The following CYB561D2 variants were observed in gnomAD, a reference collection of about 807,000 sequenced individuals.
CYB561D2 encodes the protein transmembrane reductase CYB561D2.
A neutral mutation model predicts 20.2 loss-of-function variants in CYB561D2; 16 were observed. That is an observed-to-expected ratio of 0.79 (90% confidence interval 0.53 to 1.20). The LOEUF is 1.20. CYB561D2 is among the 50% of genes most tolerant of loss of function. The pLI, the probability that CYB561D2 is intolerant of heterozygous loss-of-function variation, is 0.00. For synonymous variants in CYB561D2, 135 were observed against 128.3 expected (o/e 1.05, Z -0.35); for missense variants, 247 against 270.3 (o/e 0.91, Z 0.60).
At chr3:50,351,021 C>T in intron 1 of CYB561D2, 37 bp downstream of exon 1, 1 of 733,462 alleles carries the variant, frequency 1.4e-6, no homozygotes, top group Non-Finnish European at 1.9e-6. Flanking sequence ...ATGCTGGCAG[C>T]ACTTGGGGAG....
At position 50,353,504 on chromosome 3, in the gene CYB561D2, C is replaced by A; in HGVS notation, c.429C>A (p.Tyr143Ter). ...GCTCAGGTGGGGTGGGGCTGCTCTA[C>A]CCCAAGCTGCTGCCCCGATGGCCCC... Reference protein sequence around the residue: ...LQCSGGVGLLYPKLLPRWPLA... With the variant: ...LQCSGGVGLL Residue 143 changes from tyrosine to a stop codon, truncating the protein, a stop_gained, in exon 4 of 4, where the codon TAC becomes TAA. Transcript: ENST00000425346. LOFTEE classifies it high-confidence loss of function. The A allele has an allele frequency of 1.2e-6, 2 of 1,613,510 alleles. No homozygotes were observed. The highest frequency in any genetic ancestry group is 2.2e-5 in the South Asian group (2 of 91,084).
chr3:50,351,693 C>T (rs1158794652), intron 2 of CYB561D2, 133 bp downstream of exon 2: 1 of 1,323,870 alleles, frequency 7.6e-7, no homozygotes, highest in African/African-American at 1.5e-5. Flanking sequence ...TGAGGTGGAG[C>T]AGGTAGGTAT....
In CYB561D2 at chr3:50,351,993, C is replaced by T. The variant is rs1187713910; in HGVS notation, c.128-16C>T. On this transcript the variant is annotated splice_polypyrimidine_tract_variant and intron_variant, in intron 2 of 3. Transcript: ENST00000425346. The stretch of plus-strand genomic sequence containing the variant: ...TTCTTGCCTCAGCCCCATGAGGCCT[C>T]CTCTTCTCATTCCAGGCCTGTTCTC... 8.7e-6 allele frequency: 14 copies of T among 1,613,790 alleles called. No individual in the cohort carries two copies. Among genetic ancestry groups the T allele is most frequent in the African/African-American group, 1.3e-5 (1 of 74,874 alleles).
At chr3:50,351,281 G>A in intron 1 of CYB561D2, 128 bp from the exon 2 acceptor site, 2 of 1,056,596 alleles carry the variant, frequency 1.9e-6, no homozygotes, top group Non-Finnish European at 2.7e-6. Flanking sequence ...CCTGGTGCTG[G>A]TCTTGGTACT....
intron 1 of CYB561D2, 167 bp from the exon 2 acceptor site, chr3:50,351,242 C>T (rs990400344): frequency 3.4e-5 from 25 of 725,832 alleles, no homozygotes; most frequent in Non-Finnish European, 5.1e-5. Flanking sequence ...GACAGGCCGC[C>T]GGCCGTCGAC....
intron 3 of CYB561D2, among the ~76,000 whole-genome samples, chr3:50,352,707 A>G (rs979132184): frequency 4.0e-5 from 6 of 150,606 alleles, no homozygotes; most frequent in Non-Finnish European, 4.4e-5. Context: ...AAAAAAAAAA[A>G]GAGACTTGAA....
At chr3:50,351,295 CT>C in intron 1 of CYB561D2, 113 bp from the exon 2 acceptor site, 4 of 1,221,604 alleles carry the variant, frequency 3.3e-6, no homozygotes, top group Non-Finnish European at 4.5e-6. Context: ...TGGTACTGTT[CT>C]TTCCTACCAT....
intron 3 of CYB561D2, 149 bp from the exon 4 acceptor site, chr3:50,353,092 C>A: frequency 8.4e-7 from 1 of 1,194,074 alleles, no homozygotes; most frequent in Non-Finnish European, 1.2e-6. Flanking sequence ...TCCACTCTTG[C>A]CCCACCAAAT....
intron 3 of CYB561D2, among the ~76,000 whole-genome samples, chr3:50,352,540 G>T (rs1241208716): frequency 6.7e-6 from 1 of 150,280 alleles, no homozygotes; most frequent in Admixed American, 6.6e-5. Flanking sequence ...CCAAAAATTA[G>T]CTGGGTGTGG....
At chr3:50,353,089 T>C (rs1246578444) in intron 3 of CYB561D2, 152 bp from the exon 4 acceptor site, 4 of 1,169,868 alleles carry the variant, frequency 3.4e-6, no homozygotes, top group Non-Finnish European at 4.7e-6. Flanking sequence ...TTTTCCACTC[T>C]TGCCCCACCA....
intron 3 of CYB561D2, 112 bp downstream of exon 3, chr3:50,352,158 G>A: frequency 7.9e-7 from 1 of 1,267,448 alleles, no homozygotes; most frequent in East Asian, 2.4e-5. Flanking sequence ...AGAGTTGCAT[G>A]CTCCAACTAC....
In CYB561D2 at chr3:50,350,890, C is replaced by G; in HGVS notation, c.-120C>G. 2.9e-6 allele frequency: 4 copies of G among 1,399,178 alleles called. No individual in the cohort carries two copies. Among genetic ancestry groups the G allele is most frequent in the Non-Finnish European group, 3.7e-6 (4 of 1,082,452 alleles). 86.7% of individuals were successfully genotyped at this position (1,399,178 alleles called of 1,614,324 possible). On this transcript the variant is annotated 5_prime_UTR_variant, in exon 1 of 4. Transcript: ENST00000425346. The surrounding 1 kb of genome is among the most constrained non-coding windows in gnomAD (Gnocchi z 5.7). ...CGTCGCACCCGGAAGTAAAGCGGCTCCGTGACGGAGCGGCGGTGCGCGCGG... is the reference window on the plus strand; with the variant it reads ...CGTCGCACCCGGAAGTAAAGCGGCTGCGTGACGGAGCGGCGGTGCGCGCGG...
rs1373040975 is a variant in CYB561D2, at chr3:50,354,031, A to C, written c.*287A>C. The C allele has an allele frequency of 1.2e-5, 4 of 340,702 alleles. No individual in the cohort carries two copies. Among genetic ancestry groups the C allele is most frequent in the Non-Finnish European group, 2.1e-5 (4 of 186,230 alleles). The allele number at this position is 340,702 out of a possible 1,614,324, so 21.1% of individuals were successfully genotyped here. Reference sequence around the variant, plus strand: ...GCTCATACTTGTACTGTATGTTCAGAAATTTTAGGAGAGAAAAAAGTAAAA... The same window carrying C: ...GCTCATACTTGTACTGTATGTTCAGCAATTTTAGGAGAGAAAAAAGTAAAA... On this transcript the variant is annotated 3_prime_UTR_variant, in exon 4 of 4. Transcript: ENST00000425346.
chr3:50,352,276 C>G (rs866094212), intron 3 of CYB561D2, among the ~76,000 whole-genome samples: 1 of 151,842 alleles, frequency 6.6e-6, no homozygotes, highest in Non-Finnish European at 1.5e-5. Context: ...GTCAGGAGAT[C>G]GAGACCATCT....
chr3:50,353,370 C>T lies in CYB561D2; in HGVS notation c.295C>T (p.Leu99=), dbSNP rs766254926. The change falls in exon 4 of 4, where the codon CTG becomes TTG. Residue 99 remains leucine (L), a synonymous_variant. Transcript: ENST00000425346. ...LQLLALLCAL[L]GLGLVILHKE... The stretch of plus-strand genomic sequence containing the variant: ...GCTGCTGGCCCTGCTGTGTGCACTG[C>T]TGGGCCTCGGCCTTGTCATCCTCCA... 2.3e-5 allele frequency: 37 copies of T among 1,613,534 alleles called. No individual in the cohort carries two copies. The highest frequency in any genetic ancestry group is 3.1e-5 in the Non-Finnish European group (37 of 1,180,030).
chr3:50,353,863 A>G lies in CYB561D2; in HGVS notation c.*119A>G. On this transcript the variant is annotated 3_prime_UTR_variant, in exon 4 of 4. Coordinates refer to ENST00000425346, the MANE Select transcript of CYB561D2 (RefSeq NM_001291284.2). ...ACCTCAGGCACTGGGACAGTTGGGCATTTGGAGGCCCGTGTGTGAATTCCT... is the reference window on the plus strand; with the variant it reads ...ACCTCAGGCACTGGGACAGTTGGGCGTTTGGAGGCCCGTGTGTGAATTCCT... 11 of 1,211,968 alleles carry G rather than the reference A, an allele frequency of 9.1e-6. No individual in the cohort carries two copies. Among genetic ancestry groups the G allele is most frequent in the South Asian group, 1.5e-5 (1 of 65,488 alleles). 75.1% of individuals were successfully genotyped at this position (1,211,968 alleles called of 1,614,324 possible).
intron 3 of CYB561D2, among the ~76,000 whole-genome samples, chr3:50,352,684 CAAAAAAAA>C (rs59516380): frequency 6.6e-5 from 3 of 45,704 alleles, no homozygotes; most frequent in East Asian, 6.0e-4. Context: ...AGACTATCTC[CAAAAAAAA>C]AAAAAAAAAA....
intron 2 of CYB561D2, among the ~76,000 whole-genome samples, chr3:50,351,776 G>A (rs1703770385): frequency 6.6e-6 from 1 of 152,216 alleles, no homozygotes; most frequent in South Asian, 2.1e-4. Context: ...CTCAGGAGGT[G>A]TAAGGGAAGG....
In CYB561D2 at chr3:50,350,891, C is replaced by A; in HGVS notation, c.-119C>A. On this transcript the variant is annotated 5_prime_UTR_variant, in exon 1 of 4. Coordinates refer to ENST00000425346, the MANE Select transcript of CYB561D2 (RefSeq NM_001291284.2). The surrounding 1 kb of genome is among the most constrained non-coding windows in gnomAD (Gnocchi z 5.7). ...GTCGCACCCGGAAGTAAAGCGGCTCCGTGACGGAGCGGCGGTGCGCGCGGC... is the reference window on the plus strand; with the variant it reads ...GTCGCACCCGGAAGTAAAGCGGCTCAGTGACGGAGCGGCGGTGCGCGCGGC... The A allele has an allele frequency of 2.9e-6, 4 of 1,396,758 alleles. No individual in the cohort carries two copies. The highest frequency in any genetic ancestry group is 3.7e-6 in the Non-Finnish European group (4 of 1,081,094). The allele number at this position is 1,396,758 out of a possible 1,614,324, so 86.5% of individuals were successfully genotyped here.
Sources: allele counts gnomAD v4.1 joint callset (sites outside exome capture counted in the v4.1 genomes callset), GRCh38; gene constraint gnomAD v4.1.1; non-coding constraint Gnocchi (gnomAD v3.1); transcripts MANE v1.5; gene names NCBI Gene and HGNC (gene_info 2026-07-23, HGNC 2026-07-21).